Variants in RBMS3 observed in about 807,000 individuals in gnomAD.
The protein encoded by RBMS3 is RNA binding motif single stranded interacting protein 3.
RBMS3 carries 27 observed loss-of-function variants against 66.8 expected under a neutral mutation model. That is an observed-to-expected ratio of 0.40 (90% CI 0.30 to 0.56). The LOEUF (loss-of-function observed/expected upper bound fraction) is 0.56. Among genes scored for constraint, RBMS3 ranks in the 20% least tolerant of loss-of-function variants. The probability of loss-of-function intolerance (pLI) is 0.40; values close to 1 mark genes in which losing one functional copy is unlikely to be tolerated. For synonymous variants in RBMS3, 188 were observed against 183.0 expected (o/e 1.03, Z -0.22); for missense variants, 513 against 549.5 (o/e 0.93, Z 0.66).
intron 3 of RBMS3, among the ~76,000 whole-genome samples, chr3:29,563,866 A>C (rs960303342): frequency 6.6e-6 from 1 of 151,958 alleles, no homozygotes; most frequent in Non-Finnish European, 1.5e-5. Context: ...CTCTACAAAA[A>C]ATTAGCCAGG....
At chr3:29,786,054 A>G (rs1271945408) in intron 6 of RBMS3, among the ~76,000 whole-genome samples, 2 of 151,846 alleles carry the variant, frequency 1.3e-5, no homozygotes, top group African/African-American at 2.4e-5. Context: ...AACAGTGAGA[A>G]GCTGAAAATC....
chr3:29,800,666 C>T (rs539181708), intron 6 of RBMS3, among the ~76,000 whole-genome samples: 18 of 152,210 alleles, frequency 1.2e-4, no homozygotes, highest in Non-Finnish European at 2.5e-4. Flanking sequence ...TGGTATTTTT[C>T]TTTCTGAGGA....
intron 4 of RBMS3, among the ~76,000 whole-genome samples, chr3:29,713,770 T>C (rs767435934): frequency 6.6e-6 from 1 of 152,074 alleles, no homozygotes; most frequent in Non-Finnish European, 1.5e-5. Context: ...AAATCTGTTA[T>C]TGGGCCAGGT....
chr3:29,400,224 A>C (rs2039746504), intron 1 of RBMS3, among the ~76,000 whole-genome samples: 1 of 152,144 alleles, frequency 6.6e-6, no homozygotes, highest in South Asian at 2.1e-4. Flanking sequence ...CCACTTACTG[A>C]GTTCACAAGC....
rs537702554 is a variant in RBMS3, at chr3:29,871,920, T to G, written c.744+2956T>G. Among the ~76,000 whole-genome samples the G allele has an allele frequency of 3.9e-5, 6 of 152,292 alleles. No individual in the cohort carries two copies. The East Asian group carries it at 1.2e-3, about 29-fold the overall frequency. On this transcript the variant is annotated intron_variant, in intron 7 of 14. Transcript: ENST00000383767. ...AAATGCACTTCTTTATGAAAAAATC[T>G]AATACAGAAAACTTCATACACAGAA... is the stretch of plus-strand genomic sequence containing the variant.
At chr3:29,762,819 G>C in intron 5 of RBMS3, 91 bp from the exon 6 acceptor site, 1 of 884,886 alleles carries the variant, frequency 1.1e-6, no homozygotes, top group Non-Finnish European at 1.8e-6. Context: ...CTCAAATCAA[G>C]TATTTCTATG....
At chr3:29,469,421 G>A (rs1336764483) in intron 2 of RBMS3, among the ~76,000 whole-genome samples, 1 of 151,824 alleles carries the variant, frequency 6.6e-6, no homozygotes, top group African/African-American at 2.4e-5. Context: ...ATGTTTATAA[G>A]GACAAAAATA....
At chr3:29,865,061 GAAGA>G (rs2059322645) in intron 6 of RBMS3, among the ~76,000 whole-genome samples, 1 of 125,506 alleles carries the variant, frequency 8.0e-6, no homozygotes, top group Non-Finnish European at 1.7e-5. Flanking sequence ...AGGAAGGAAG[GAAGA>G]GAGAGACGAA....
chr3:29,620,843 T>C (rs2149153504), intron 4 of RBMS3, among the ~76,000 whole-genome samples: 1 of 152,220 alleles, frequency 6.6e-6, no homozygotes, highest in South Asian at 2.1e-4. Context: ...AAACGTTATC[T>C]TTTTAGGGAA....
intron 1 of RBMS3, among the ~76,000 whole-genome samples, chr3:29,430,122 TA>T (rs1489257628): frequency 1.3e-5 from 2 of 152,146 alleles, no homozygotes; most frequent in African/African-American, 2.4e-5. Context: ...GTATTTGGAA[TA>T]TGGGTGGAGA....
chr3:29,997,659 G>C (rs1302234680), intron 14 of RBMS3, among the ~76,000 whole-genome samples: 2 of 151,648 alleles, frequency 1.3e-5, no homozygotes, highest in African/African-American at 4.9e-5. Context: ...CAGAGCCAAA[G>C]ACAAAAACCA....
intron 6 of RBMS3, among the ~76,000 whole-genome samples, chr3:29,791,739 A>G (rs1209230492): frequency 6.6e-6 from 1 of 152,194 alleles, no homozygotes; most frequent in Non-Finnish European, 1.5e-5. Context: ...ACATCCTGAC[A>G]GCGTTCACTA....
At chr3:29,467,186 C>T (rs917146756) in intron 2 of RBMS3, among the ~76,000 whole-genome samples, 3 of 152,122 alleles carry the variant, frequency 2.0e-5, no homozygotes, top group African/African-American at 7.2e-5. Context: ...CATGAAATGT[C>T]TTTCTGTATT....
chr3:29,458,512 C>T (rs2042268184), intron 2 of RBMS3, among the ~76,000 whole-genome samples: 1 of 152,172 alleles, frequency 6.6e-6, no homozygotes, highest in Non-Finnish European at 1.5e-5. Flanking sequence ...AACACATCCT[C>T]CTGTATGCTT....
chr3:29,988,058 C>G, intron 12 of RBMS3, 85 bp from the exon 13 acceptor site: 4 of 1,124,998 alleles, frequency 3.6e-6, no homozygotes, highest in Non-Finnish European at 5.3e-6. Context: ...GGCCCCATAG[C>G]TAAAGCAGTC....
chr3:29,633,414 A>T (rs2049355455), intron 4 of RBMS3, among the ~76,000 whole-genome samples: 1 of 151,866 alleles, frequency 6.6e-6, no homozygotes, highest in Admixed American at 6.6e-5. Flanking sequence ...GGCATATCAG[A>T]TTATTTTTAT....
At chr3:29,343,987 G>A (rs1377278160) in intron 1 of RBMS3, among the ~76,000 whole-genome samples, 1 of 152,188 alleles carries the variant, frequency 6.6e-6, no homozygotes, top group African/African-American at 2.4e-5. Flanking sequence ...AGTGAGTACA[G>A]TACAAGTACT....
chr3:29,654,576 T>A (rs1440051792), intron 4 of RBMS3, among the ~76,000 whole-genome samples: 2 of 143,972 alleles, frequency 1.4e-5, no homozygotes, highest in Non-Finnish European at 3.0e-5. Flanking sequence ...GTGTGTGTAT[T>A]GGGCATGTAT....
At chr3:29,869,193 T>C (rs2149550697) in intron 7 of RBMS3, among the ~76,000 whole-genome samples, 1 of 152,292 alleles carries the variant, frequency 6.6e-6, no homozygotes, top group East Asian at 1.9e-4. Context: ...CTTCTGTCTT[T>C]AACCAAACTC....
Sources: gnomAD v4.1 joint callset for allele counts (sites outside exome capture counted in the v4.1 genomes callset) on GRCh38, gnomAD v4.1.1 for gene constraint, MANE v1.5 for transcripts, NCBI Gene and HGNC (gene_info 2026-07-23, HGNC 2026-07-21) for gene names.